The following CTXND1 variants were observed in gnomAD, a reference collection of about 807,000 sequenced individuals.
CTXND1 encodes the protein cortexin domain-containing 1 protein.
chr15:80,232,711 G>C (rs1227149500), intron 1 of CTXND1, among the ~76,000 whole-genome samples: 1 of 152,154 alleles, frequency 6.6e-6, no homozygotes, highest in African/African-American at 2.4e-5. Flanking sequence ...CAAAGCACCA[G>C]CAGGTAGTTT....
At chr15:80,237,336 GAA>G (rs201997173) in intron 1 of CTXND1, among the ~76,000 whole-genome samples, 38 of 101,564 alleles carry the variant, frequency 3.7e-4, no homozygotes, top group Middle Eastern at 4.9e-3. Context: ...CAGTGTCTCA[GAA>G]AAAAAAAAAA....
chr15:80,242,254 T>C (rs1402513343), intron 1 of CTXND1, among the ~76,000 whole-genome samples: 3 of 152,216 alleles, frequency 2.0e-5, no homozygotes, highest in Non-Finnish European at 4.4e-5. Flanking sequence ...ACCCCAGGTG[T>C]CCACTCTGTG....
At chr15:80,250,563 T>G (rs978825513) in intron 1 of CTXND1, among the ~76,000 whole-genome samples, 3 of 152,204 alleles carry the variant, frequency 2.0e-5, no homozygotes, top group Admixed American at 1.3e-4. Context: ...AATTAATCCT[T>G]TGAAACAACA....
At position 80,197,094 on chromosome 15, in the gene CTXND1, T is replaced by C. The variant is rs1035396567; in HGVS notation, c.*4676A>G. The C allele has an allele frequency of 6.6e-6, 1 of 152,288 alleles. No homozygotes were observed. The highest frequency in any genetic ancestry group is 2.4e-5 in the African/African-American group (1 of 41,450). 9.4% of individuals were successfully genotyped at this position (152,288 alleles called of 1,614,324 possible). ...TTTTTAGAGACAGCATCTCTCTTTGTCGCCTAGGCTGGAGTGCAGTAGTGT... is the reference window on the plus strand; with the variant it reads ...TTTTTAGAGACAGCATCTCTCTTTGCCGCCTAGGCTGGAGTGCAGTAGTGT... On this transcript the variant is annotated 3_prime_UTR_variant, in exon 3 of 3. Coordinates refer to ENST00000560778, the MANE Select transcript of CTXND1 (RefSeq NM_001352888.2).
At chr15:80,203,377 C>T (rs1015207370) in intron 2 of CTXND1, among the ~76,000 whole-genome samples, 6 of 152,172 alleles carry the variant, frequency 3.9e-5, no homozygotes, top group Non-Finnish European at 8.8e-5. Flanking sequence ...ATGACGTATC[C>T]AAGGTCCCAC....
chr15:80,202,932 A>G (rs2142120992), intron 2 of CTXND1, among the ~76,000 whole-genome samples: 1 of 152,374 alleles, frequency 6.6e-6, no homozygotes, highest in South Asian at 2.1e-4. Context: ...GGTAGTGCCT[A>G]CACTGACACA....
chr15:80,217,639 T>A (rs1319456659), intron 1 of CTXND1, among the ~76,000 whole-genome samples: 1 of 151,996 alleles, frequency 6.6e-6, no homozygotes, highest in Non-Finnish European at 1.5e-5. Flanking sequence ...TTCCACCTAA[T>A]GTGTTCAAGC....
intron 1 of CTXND1, among the ~76,000 whole-genome samples, chr15:80,238,005 T>C (rs1207311069): frequency 2.7e-5 from 1 of 37,196 alleles, no homozygotes; most frequent in Admixed American, 3.6e-4. Flanking sequence ...TGAGACTCCA[T>C]CTCAAAAAAA....
intron 1 of CTXND1, among the ~76,000 whole-genome samples, chr15:80,237,356 AAG>A (rs1483185294): frequency 5.4e-5 from 8 of 147,700 alleles, no homozygotes; most frequent in African/African-American, 2.0e-4. Flanking sequence ...AAAAAAAAAA[AAG>A]AAAGAAAAAG....
chr15:80,239,148 A>G (rs138092761), intron 1 of CTXND1, among the ~76,000 whole-genome samples: 1 of 152,276 alleles, frequency 6.6e-6, no homozygotes, highest in African/African-American at 2.4e-5. Context: ...CCAGCCCTGG[A>G]GGCTCTGCCG....
intron 1 of CTXND1, among the ~76,000 whole-genome samples, chr15:80,226,207 T>G (rs756721859): frequency 1.6e-4 from 24 of 151,864 alleles, no homozygotes; most frequent in Non-Finnish European, 2.9e-4. Flanking sequence ...GGTGGGTCCC[T>G]GAGCTGGTGG....
At chr15:80,221,655 C>CT (rs1344225948) in intron 1 of CTXND1, among the ~76,000 whole-genome samples, 3 of 152,050 alleles carry the variant, frequency 2.0e-5, no homozygotes, top group East Asian at 1.9e-4. Context: ...CTTTTAGTAA[C>CT]TTTTTTGTTC....
chr15:80,201,860 G>A lies in CTXND1; in HGVS notation c.90C>T (p.Val30=), dbSNP rs72740066. 0.016 allele frequency: 6,230 copies of A among 398,852 alleles called. 69 individuals carry two copies. The highest frequency in any genetic ancestry group is 0.037 in the South Asian group (287 of 7,854). The allele number at this position is 398,852 out of a possible 1,614,324, so 24.7% of individuals were successfully genotyped here. Reference sequence around the variant, plus strand: ...CCTTGGCACAGCGGATGATCATCACGACAAGGAAGAGGCAGAGGAAGACGA... The same window carrying A: ...CCTTGGCACAGCGGATGATCATCACAACAAGGAAGAGGCAGAGGAAGACGA... ...ACFVFLCLFL[V]VMIIRCAKVI... The change falls in exon 3 of 3, where the codon GTC becomes GTT. Residue 30 remains valine, a synonymous_variant. Coordinates refer to ENST00000560778, the MANE Select transcript of CTXND1 (RefSeq NM_001352888.2).
chr15:80,233,846 C>T (rs1893460612), intron 1 of CTXND1, among the ~76,000 whole-genome samples: 1 of 152,220 alleles, frequency 6.6e-6, no homozygotes, highest in African/African-American at 2.4e-5. Context: ...CCTCTGCATG[C>T]GTGAAGACAT....
At chr15:80,224,201 G>A (rs1167356842) in intron 1 of CTXND1, among the ~76,000 whole-genome samples, 1 of 151,844 alleles carries the variant, frequency 6.6e-6, no homozygotes, top group Non-Finnish European at 1.5e-5. Context: ...ATATGCAAGT[G>A]AAGAAGACTT....
In CTXND1 at chr15:80,215,691, T is replaced by G. The variant is rs139423364; in HGVS notation, c.-217-11951A>C. 3.1e-4 allele frequency among the ~76,000 whole-genome samples: 47 copies of G among 152,232 alleles called. 1 individual carries two copies. The East Asian group carries it at 9.1e-3, about 29-fold the overall frequency. On this transcript the variant is annotated intron_variant, in intron 1 of 2. Transcript: ENST00000560778. The stretch of plus-strand genomic sequence containing the variant: ...TTATCTGGCCTCCAGGATGGCTGGA[T>G]TGGAAACTGTCCTAGGATCCACAGC...
intron 1 of CTXND1, among the ~76,000 whole-genome samples, chr15:80,220,245 T>A (rs976089088): frequency 1.3e-5 from 2 of 151,814 alleles, no homozygotes; most frequent in African/African-American, 2.4e-5. Flanking sequence ...TCTGAGATAG[T>A]TTTTTTCATG....
intron 1 of CTXND1, among the ~76,000 whole-genome samples, chr15:80,206,733 T>C (rs71397599): frequency 0.092 from 13,996 of 152,246 alleles, 651 homozygotes; most frequent in Middle Eastern, 0.13. Flanking sequence ...GGAGCTTATT[T>C]TAACTTTCAC....
chr15:80,197,184 G>C lies in CTXND1; in HGVS notation c.*4586C>G, dbSNP rs75607892. 0.015 allele frequency: 2,285 copies of C among 152,318 alleles called. 38 individuals are homozygous for C. The highest frequency in any genetic ancestry group is 0.038 in the African/African-American group (1,588 of 41,550). 9.4% of individuals were successfully genotyped at this position (152,318 alleles called of 1,614,324 possible). On this transcript the variant is annotated 3_prime_UTR_variant, in exon 3 of 3. Coordinates refer to ENST00000560778, the MANE Select transcript of CTXND1 (RefSeq NM_001352888.2). ...TGATCCTCCCACCTCAGACTCCTGA[G>C]TAGCTGGGACTATAGGTGTGCAACA...
Sources: gnomAD v4.1 joint callset for allele counts (sites outside exome capture counted in the v4.1 genomes callset) on GRCh38, gnomAD v4.1.1 for gene constraint, MANE v1.5 for transcripts, NCBI Gene and HGNC (gene_info 2026-07-23, HGNC 2026-07-21) for gene names.